The following CLEC3A variants were observed in gnomAD, a reference collection of about 807,000 sequenced individuals.
CLEC3A encodes C-type lectin domain family 3 member A.
CLEC3A carries 28 observed loss-of-function variants against 20.4 expected under a neutral mutation model. The observed-to-expected ratio is 1.37, with a 90% CI of 1.02 to 1.88. The LOEUF is 1.88. Among genes scored for constraint, CLEC3A ranks in the 40% most tolerant of loss-of-function variants. The probability of loss-of-function intolerance (pLI) is 0.00; values close to 1 mark genes in which losing one functional copy is unlikely to be tolerated. For synonymous variants in CLEC3A, 110 were observed against 88.1 expected (o/e 1.25, Z -1.39); for missense variants, 357 against 240.4 (o/e 1.48, Z -3.21).
rs1336251362 is a variant in CLEC3A, at chr16:78,032,052, G to C, written c.*1211G>C. On this transcript the variant is annotated 3_prime_UTR_variant, in exon 3 of 3. Transcript: ENST00000299642. ...TTTAACTACACATGCTTGGAATTAA[G>C]TTTTAGCTGTTTTCATTGCTCAATA... 1 of 152,542 alleles carries C rather than the reference G, an allele frequency of 6.6e-6. No homozygotes were observed. Among genetic ancestry groups the C allele is most frequent in the African/African-American group, 2.4e-5 (1 of 41,408 alleles). The allele number at this position is 152,542 out of a possible 1,614,324, so 9.4% of individuals were successfully genotyped here.
intron 1 of CLEC3A, among the ~76,000 whole-genome samples, chr16:78,027,568 T>C (rs926577179): frequency 3.3e-5 from 5 of 152,228 alleles, no homozygotes; most frequent in South Asian, 2.1e-4. Flanking sequence ...AGTATTATGA[T>C]TGCCATGAAG....
intron 1 of CLEC3A, among the ~76,000 whole-genome samples, chr16:78,024,108 C>A (rs1358174719): frequency 6.6e-6 from 1 of 152,148 alleles, no homozygotes; most frequent in Non-Finnish European, 1.5e-5. Flanking sequence ...TACTGTACTT[C>A]TTTCGGTGAA....
At chr16:78,025,219 C>G (rs1435789311) in intron 1 of CLEC3A, among the ~76,000 whole-genome samples, 28 of 152,106 alleles carry the variant, frequency 1.8e-4, no homozygotes, top group Non-Finnish European at 4.1e-4. Context: ...TCTATTAAAC[C>G]TTGGATAGTT....
At chr16:78,027,665 G>C (rs114395744) in intron 1 of CLEC3A, among the ~76,000 whole-genome samples, 1 of 150,136 alleles carries the variant, frequency 6.7e-6, no homozygotes, top group South Asian at 2.1e-4. Context: ...TGTTTGTTTG[G>C]TTTTTTTTCA....
At chr16:78,029,558 C>T (rs1052487338) in intron 2 of CLEC3A, among the ~76,000 whole-genome samples, 16 of 152,010 alleles carry the variant, frequency 1.1e-4, no homozygotes, top group Admixed American at 3.3e-4. Flanking sequence ...TTAGTACAGA[C>T]GGGGTTTCAC....
In CLEC3A at chr16:78,028,098, T is replaced by A. The variant is rs571434306; in HGVS notation, c.116-9T>A. The A allele has an allele frequency of 2.5e-6, 4 of 1,603,636 alleles. No homozygotes were observed. The African/African-American group carries it at 5.4e-5, about 22-fold the overall frequency. On this transcript the variant is annotated splice_polypyrimidine_tract_variant and intron_variant, in intron 1 of 2. Coordinates refer to ENST00000299642, the MANE Select transcript of CLEC3A (RefSeq NM_005752.6). The stretch of plus-strand genomic sequence containing the variant: ...CACCTACCCCATCCCACCCTAAAAT[T>A]TTCCCCAGACAAGGATGGAGATCTG...
chr16:78,030,140 G>T (rs11648132), intron 2 of CLEC3A, among the ~76,000 whole-genome samples: 2 of 119,612 alleles, frequency 1.7e-5, no homozygotes, highest in African/African-American at 6.7e-5. Context: ...GCGACAGAGC[G>T]AGACTCCAAC....
intron 2 of CLEC3A, among the ~76,000 whole-genome samples, chr16:78,029,464 G>A (rs1461769902): frequency 6.6e-6 from 1 of 152,032 alleles, no homozygotes; most frequent in Non-Finnish European, 1.5e-5. Context: ...TGCCTCCCAG[G>A]TTCGCACGAT....
At chr16:78,022,858 T>C (rs1256018797) in intron 1 of CLEC3A, 117 bp downstream of exon 1, 1 of 1,062,594 alleles carries the variant, frequency 9.4e-7, no homozygotes. Flanking sequence ...CACCATGCCA[T>C]CATCCCTATA....
rs1597154515 is a variant in CLEC3A, at chr16:78,030,736, G to A, written c.489G>A (p.Lys163=). Residue 163 remains lysine (K), a synonymous_variant, in exon 3 of 3, where the codon AAG becomes AAA. Coordinates refer to ENST00000299642, the MANE Select transcript of CLEC3A (RefSeq NM_005752.6). ...ACCGTGCACAGCCTAACGGTGGCAAGCGAGAAAACTGTGTCCTGTTCTCCC... is the reference window on the plus strand; with the variant it reads ...ACCGTGCACAGCCTAACGGTGGCAAACGAGAAAACTGTGTCCTGTTCTCCC... ...NWDRAQPNGG[K]RENCVLFSQS... is the part of the protein sequence containing the mutation. 1.2e-6 allele frequency: 2 copies of A among 1,614,140 alleles called. No individual in the cohort carries two copies. The highest frequency in any genetic ancestry group is 1.7e-6 in the Non-Finnish European group (2 of 1,180,024).
At chr16:78,025,228 T>C (rs1005116998) in intron 1 of CLEC3A, among the ~76,000 whole-genome samples, 1 of 152,232 alleles carries the variant, frequency 6.6e-6, no homozygotes, top group Admixed American at 6.5e-5. Context: ...CCTTGGATAG[T>C]TACCAGTGTA....
At position 78,031,910 on chromosome 16, in the gene CLEC3A, A is replaced by G. The variant is rs1397339236; in HGVS notation, c.*1069A>G. 1 of 152,538 alleles carries G rather than the reference A, an allele frequency of 6.6e-6. No individual in the cohort carries two copies. Among genetic ancestry groups the G allele is most frequent in the Non-Finnish European group, 1.5e-5 (1 of 68,026 alleles). 9.4% of individuals were successfully genotyped at this position (152,538 alleles called of 1,614,324 possible). On this transcript the variant is annotated 3_prime_UTR_variant, in exon 3 of 3. Coordinates refer to ENST00000299642, the MANE Select transcript of CLEC3A (RefSeq NM_005752.6). ...TGCTTAATATCAAATTACAAAGTTT[A>G]GACTTGGAGGGAAATGGGCTTTTTA... is the stretch of plus-strand genomic sequence containing the variant.
intron 2 of CLEC3A, chr16:78,029,137 G>C (rs898234069): frequency 2.2e-6 from 1 of 455,700 alleles, no homozygotes; most frequent in African/African-American, 2.0e-5. Flanking sequence ...GGAAAATGAG[G>C]CACAAAGAAG....
rs1364741650 is a variant in CLEC3A, at chr16:78,030,394, G to C, written c.200-53G>C. On this transcript the variant is annotated intron_variant, in intron 2 of 2. Coordinates refer to ENST00000299642, the MANE Select transcript of CLEC3A (RefSeq NM_005752.6). Reference sequence around the variant, plus strand: ...TTGCTATTTGCCAGGTCCAGCCCTAGTCATAATACACTCAAAATGCATCTT... The same window carrying C: ...TTGCTATTTGCCAGGTCCAGCCCTACTCATAATACACTCAAAATGCATCTT... 7 of 1,501,546 alleles carry C rather than the reference G, an allele frequency of 4.7e-6. No homozygotes were observed. The African/African-American group carries it at 8.3e-5, about 18-fold the overall frequency. 93.0% of individuals were successfully genotyped at this position (1,501,546 alleles called of 1,614,324 possible).
At chr16:78,026,533 G>C (rs2029927721) in intron 1 of CLEC3A, among the ~76,000 whole-genome samples, 1 of 152,186 alleles carries the variant, frequency 6.6e-6, no homozygotes, top group South Asian at 2.1e-4. Flanking sequence ...TACTAGCTGG[G>C]TGACCTTCAG....
At chr16:78,028,675 G>A (rs1190312604) in intron 2 of CLEC3A, among the ~76,000 whole-genome samples, 1 of 152,212 alleles carries the variant, frequency 6.6e-6, no homozygotes, top group South Asian at 2.1e-4. Flanking sequence ...TATTCTCCAA[G>A]GGGTGAGGAA....
At chr16:78,028,046 T>C in intron 1 of CLEC3A, 61 bp from the exon 2 acceptor site, 2 of 1,181,602 alleles carry the variant, frequency 1.7e-6, no homozygotes, top group Admixed American at 3.8e-5. Flanking sequence ...CAAAGCTTGA[T>C]TTTATTTTAA....
In CLEC3A at chr16:78,028,120, T is replaced by C. The variant is rs745701396; in HGVS notation, c.129T>C (p.Asp43=). 6.2e-7 allele frequency: 1 copy of C among 1,609,774 alleles called. No individual in the cohort carries two copies. Among genetic ancestry groups the C allele is most frequent in the East Asian group, 2.2e-5 (1 of 44,814 alleles). ...SKRRVRDKDG[D]LKTQIEKLWT... ...AATTTTCCCCAGACAAGGATGGAGA[T>C]CTGAAGACTCAAATTGAAAAGCTCT... Residue 43 remains aspartate (D), a synonymous_variant, in exon 2 of 3, where the codon GAT becomes GAC. Coordinates refer to ENST00000299642, the MANE Select transcript of CLEC3A (RefSeq NM_005752.6).
intron 1 of CLEC3A, among the ~76,000 whole-genome samples, chr16:78,023,757 C>CTTT (rs112037307): frequency 7.4e-6 from 1 of 134,534 alleles, no homozygotes. Context: ...TGCAAGGTTT[C>CTTT]TTTTTTTTTT....
Sources: gnomAD v4.1 joint callset for allele counts (sites outside exome capture counted in the v4.1 genomes callset) on GRCh38, gnomAD v4.1.1 for gene constraint, MANE v1.5 for transcripts, NCBI Gene and HGNC (gene_info 2026-07-23, HGNC 2026-07-21) for gene names.